PTK2: variants seen among roughly 807,000 people sequenced by gnomAD.
The protein encoded by PTK2 is protein tyrosine kinase 2.
Under a neutral mutation model 150.1 loss-of-function variants are expected in PTK2, and 45 were observed. The ratio of observed to expected loss-of-function variants is 0.30; its 90% CI spans 0.24 to 0.38. PTK2 has a LOEUF of 0.38. Among genes scored for constraint, PTK2 ranks in the 10% least tolerant of loss-of-function variants. PTK2 has a pLI of 1.00. For missense variants in PTK2, 919 were observed against 1,307.3 expected, an observed-to-expected ratio of 0.70 and a Z score of 4.58; for synonymous variants, 432 against 449.2, an observed-to-expected ratio of 0.96 and a Z score of 0.48.
At chr8:140,738,016 GA>G (rs796641579) in intron 21 of PTK2, among the ~76,000 whole-genome samples, 16 of 152,000 alleles carry the variant, frequency 1.1e-4, no homozygotes, top group African/African-American at 3.9e-4. Flanking sequence ...GTAAACAGAA[GA>G]AAAAAATAAG....
chr8:140,694,992 C>T (rs1160912396), intron 26 of PTK2, among the ~76,000 whole-genome samples: 1 of 152,198 alleles, frequency 6.6e-6, no homozygotes, highest in Non-Finnish European at 1.5e-5. Flanking sequence ...TTCCATGCGG[C>T]TGTCTAAAAA....
chr8:140,776,430 G>C (rs1301278857), intron 14 of PTK2, among the ~76,000 whole-genome samples: 1 of 152,136 alleles, frequency 6.6e-6, no homozygotes, highest in Non-Finnish European at 1.5e-5. Flanking sequence ...TTCAATCTAT[G>C]ACTTGGTCTT....
At chr8:140,697,148 A>G (rs1277013436) in intron 26 of PTK2, among the ~76,000 whole-genome samples, 32 of 150,174 alleles carry the variant, frequency 2.1e-4, no homozygotes, top group African/African-American at 7.8e-4. Context: ...AAAAAAAAAA[A>G]AAAAAAAAAA....
intron 1 of PTK2, among the ~76,000 whole-genome samples, chr8:140,969,617 T>C (rs2100186534): frequency 6.6e-6 from 1 of 152,220 alleles, no homozygotes; most frequent in Non-Finnish European, 1.5e-5. Flanking sequence ...GGTGGTTTCT[T>C]TCCAGTCTCT....
chr8:140,814,867 C>T (rs764368679), intron 10 of PTK2, among the ~76,000 whole-genome samples: 3 of 151,902 alleles, frequency 2.0e-5, no homozygotes, highest in Non-Finnish European at 2.9e-5. Context: ...CTCCGCCTCC[C>T]GGGTTGATGC....
chr8:140,948,260 G>C (rs138869637), intron 1 of PTK2, among the ~76,000 whole-genome samples: 596 of 152,258 alleles, frequency 3.9e-3, no homozygotes, highest in Non-Finnish European at 6.8e-3. Flanking sequence ...TAATAAACTA[G>C]TTTTAGAGTT....
chr8:140,859,154 G>A (rs2100134611), intron 5 of PTK2, among the ~76,000 whole-genome samples: 2 of 152,300 alleles, frequency 1.3e-5, no homozygotes, highest in South Asian at 4.1e-4. Flanking sequence ...CTTAAGGTCA[G>A]CTTTTACCTT....
At chr8:140,728,044 A>T (rs560839657) in intron 22 of PTK2, among the ~76,000 whole-genome samples, 1 of 152,178 alleles carries the variant, frequency 6.6e-6, no homozygotes, top group African/African-American at 2.4e-5. Flanking sequence ...AAAAATACAA[A>T]AAAAAGTAGC....
At chr8:140,863,349 C>A (rs1004204640) in intron 5 of PTK2, among the ~76,000 whole-genome samples, 1 of 152,150 alleles carries the variant, frequency 6.6e-6, no homozygotes, top group African/African-American at 2.4e-5. Flanking sequence ...ATCCCTGATA[C>A]TGCCATCTAA....
chr8:140,704,749 C>CTCTG (rs375017607), intron 24 of PTK2, among the ~76,000 whole-genome samples: 51 of 152,262 alleles, frequency 3.3e-4, no homozygotes, highest in African/African-American at 1.2e-3. Context: ...CTTCCCATTG[C>CTCTG]TCTGACCCTT....
chr8:140,847,666 G>GAAA (rs2100126419), intron 5 of PTK2, among the ~76,000 whole-genome samples: 1 of 152,034 alleles, frequency 6.6e-6, no homozygotes, highest in Non-Finnish European at 1.5e-5. Flanking sequence ...AAAATTTGTG[G>GAAA]AAATTTGTCT....
chr8:140,927,168 G>A (rs151271404), intron 1 of PTK2, among the ~76,000 whole-genome samples: 7 of 152,196 alleles, frequency 4.6e-5, no homozygotes, highest in African/African-American at 1.7e-4. Context: ...TGCTTATACT[G>A]ACCATAATAA....
At chr8:140,893,845 G>T (rs899657484) in intron 2 of PTK2, among the ~76,000 whole-genome samples, 5 of 152,066 alleles carry the variant, frequency 3.3e-5, no homozygotes, top group African/African-American at 7.2e-5. Flanking sequence ...TTTTAAAAAG[G>T]TCATAGCAGT....
intron 1 of PTK2, among the ~76,000 whole-genome samples, chr8:140,955,789 A>G (rs13259836): frequency 0.42 from 63,504 of 152,100 alleles, 15,192 homozygotes; most frequent in Non-Finnish European, 0.55. Flanking sequence ...GCCATGTCGG[A>G]AGAAGGTTCA....
chr8:140,828,127 CTGCACT>C (rs2100112996), intron 8 of PTK2, among the ~76,000 whole-genome samples: 1 of 150,420 alleles, frequency 6.6e-6, no homozygotes, highest in Non-Finnish European at 1.5e-5. Context: ...GATCACGCCA[CTGCACT>C]CCAGCATGGG....
At chr8:140,902,924 G>GTTTTTTTTTTTTTTT (rs61261890) in intron 2 of PTK2, among the ~76,000 whole-genome samples, 1 of 58,960 alleles carries the variant, frequency 1.7e-5, no homozygotes, top group African/African-American at 4.9e-5. Flanking sequence ...GATGAGAGTT[G>GTTTTTTTTTTTTTTT]TTTTTTTTTT....
chr8:140,732,468 A>T (rs2100050034), intron 22 of PTK2: 2 of 471,970 alleles, frequency 4.2e-6, no homozygotes, highest in African/African-American at 4.2e-5. Flanking sequence ...TAGTATTAAG[A>T]ATCACTCATA....
At chr8:140,700,857 A>G (rs1286384748) in intron 26 of PTK2, 34 bp downstream of exon 29, 1 of 1,611,242 alleles carries the variant, frequency 6.2e-7, no homozygotes, top group East Asian at 2.2e-5. Flanking sequence ...ACAGGGCTTA[A>G]AAAGTCAAAG....
At chr8:140,713,664 T>C (rs2100037963) in intron 23 of PTK2, among the ~76,000 whole-genome samples, 1 of 152,152 alleles carries the variant, frequency 6.6e-6, no homozygotes, top group Admixed American at 6.5e-5. Context: ...ATTGATCCAA[T>C]GGGAATCTGC....
Sources: allele counts gnomAD v4.1 joint callset (sites outside exome capture counted in the v4.1 genomes callset), GRCh38; gene constraint gnomAD v4.1.1; transcripts MANE v1.5; gene names NCBI Gene and HGNC (gene_info 2026-07-23, HGNC 2026-07-21).